Variants in CALCR observed in about 807,000 individuals in gnomAD.
The protein encoded by CALCR is calcitonin receptor.
In CALCR, 47 loss-of-function variants were observed where a neutral mutation model predicts 59.5. That is an observed-to-expected ratio of 0.79 (90% confidence interval 0.63 to 1.01). The LOEUF is 1.01. Ranked by LOEUF, CALCR falls within the 50% of genes least tolerant of loss-of-function variation. The pLI, the probability that CALCR is intolerant of heterozygous loss-of-function variation, is 0.00. For synonymous variants in CALCR, 213 were observed against 211.3 expected, an observed-to-expected ratio of 1.01 and a Z score of -0.07; for missense variants, 566 against 597.1, an observed-to-expected ratio of 0.95 and a Z score of 0.54.
At chr7:93,469,723 A>T (rs550607221) in intron 6 of CALCR, among the ~76,000 whole-genome samples, 32 of 151,730 alleles carry the variant, frequency 2.1e-4, no homozygotes, top group Admixed American at 9.2e-4. Context: ...TTGGTGAAGC[A>T]TAATTTGTGT....
chr7:93,519,006 A>T (rs1801703516), intron 2 of CALCR, among the ~76,000 whole-genome samples: 2 of 151,992 alleles, frequency 1.3e-5, no homozygotes. Flanking sequence ...CATAATGATC[A>T]TGTTAATTAT....
At chr7:93,490,117 T>C (rs1173151477) in intron 2 of CALCR, among the ~76,000 whole-genome samples, 1 of 151,956 alleles carries the variant, frequency 6.6e-6, no homozygotes. Flanking sequence ...CGCAAATCAA[T>C]AAATGTAATC....
chr7:93,438,435 T>TCAAAATGCTC (rs1203216226), intron 9 of CALCR, among the ~76,000 whole-genome samples, 165 bp from the exon 10 acceptor site: 3 of 152,198 alleles, frequency 2.0e-5, no homozygotes, highest in African/African-American at 7.2e-5. Context: ...GTCAAGCCAG[T>TCAAAATGCTC]CAAAATGCTC....
intron 7 of CALCR, among the ~76,000 whole-genome samples, chr7:93,466,999 G>C (rs1214423373): frequency 6.6e-6 from 1 of 151,596 alleles, no homozygotes; most frequent in Non-Finnish European, 1.5e-5. Flanking sequence ...TTAAAGTCCT[G>C]ACTACAATTA....
At chr7:93,430,493 G>A (rs1282962284) in intron 13 of CALCR, among the ~76,000 whole-genome samples, 1 of 151,998 alleles carries the variant, frequency 6.6e-6, no homozygotes, top group East Asian at 1.9e-4. Flanking sequence ...TTATGTTTGG[G>A]GAAGATTCCT....
chr7:93,571,318 T>C (rs1369448096), intron 2 of CALCR, among the ~76,000 whole-genome samples: 1 of 152,164 alleles, frequency 6.6e-6, no homozygotes, highest in African/African-American at 2.4e-5. Flanking sequence ...GATAGGGATA[T>C]GACTTATTTG....
intron 8 of CALCR, among the ~76,000 whole-genome samples, chr7:93,450,096 C>A (rs1483847220): frequency 6.6e-6 from 1 of 152,006 alleles, no homozygotes; most frequent in East Asian, 1.9e-4. Context: ...TTCCATCTAT[C>A]CTTTCACTTT....
intron 13 of CALCR, among the ~76,000 whole-genome samples, chr7:93,433,022 T>C (rs1355735860): frequency 1.3e-5 from 2 of 152,144 alleles, no homozygotes; most frequent in Non-Finnish European, 2.9e-5. Context: ...CAATGTATTT[T>C]TGTTGAATGA....
intron 13 of CALCR, among the ~76,000 whole-genome samples, chr7:93,430,592 T>A (rs1799638924): frequency 6.6e-6 from 1 of 152,210 alleles, no homozygotes; most frequent in Non-Finnish European, 1.5e-5. Context: ...TTAATTTTCT[T>A]AAATAAAATT....
At chr7:93,511,859 G>C (rs1801553677) in intron 2 of CALCR, among the ~76,000 whole-genome samples, 1 of 152,154 alleles carries the variant, frequency 6.6e-6, no homozygotes, top group South Asian at 2.1e-4. Flanking sequence ...AAATGCAATG[G>C]ATGGGCTTAA....
Position 93,443,714 on chromosome 7 carries a change from G to C in CALCR, c.692C>G (p.Ala231Gly), listed in dbSNP as rs1297524627. 2 of 1,612,568 alleles carry C rather than the reference G, an allele frequency of 1.2e-6. No individual in the cohort carries two copies. The highest frequency in any genetic ancestry group is 1.7e-6 in the Non-Finnish European group (2 of 1,178,720). Reference sequence around the variant, plus strand: ...ACAGAGCATCCAGAAATAGTTGCAGGCCATCATGTACTGGTGGAAAAAATG... The same window carrying C: ...ACAGAGCATCCAGAAATAGTTGCAGCCCATCATGTACTGGTGGAAAAAATG... Reference protein sequence around the residue: ...ILHFFHQYMMACNYFWMLCEG... With the variant: ...ILHFFHQYMMGCNYFWMLCEG... The change falls in exon 9 of 14, where the codon GCC becomes GGC. Residue 231 changes from alanine to glycine, a missense_variant. Coordinates refer to ENST00000426151, the MANE Select transcript of CALCR (RefSeq NM_001742.4).
intron 2 of CALCR, among the ~76,000 whole-genome samples, chr7:93,532,587 CT>C (rs1788867134): frequency 6.6e-6 from 1 of 151,828 alleles, no homozygotes; most frequent in African/African-American, 2.4e-5. Flanking sequence ...CAGTCAATGG[CT>C]GATATACATG....
At chr7:93,517,151 G>A (rs1028347980) in intron 2 of CALCR, among the ~76,000 whole-genome samples, 1 of 151,690 alleles carries the variant, frequency 6.6e-6, no homozygotes, top group African/African-American at 2.4e-5. Context: ...TCTTAATATA[G>A]GGAGTGAGAA....
intron 2 of CALCR, among the ~76,000 whole-genome samples, chr7:93,496,354 A>G (rs78802562): frequency 0.027 from 4,106 of 151,598 alleles, 208 homozygotes; most frequent in African/African-American, 0.094. Context: ...AACCTGATTG[A>G]CCATGAAACA....
At chr7:93,460,482 G>A (rs1411842602) in intron 8 of CALCR, among the ~76,000 whole-genome samples, 2 of 148,504 alleles carry the variant, frequency 1.3e-5, no homozygotes, top group Non-Finnish European at 3.0e-5. Context: ...CTTGAACCCG[G>A]GAGGCGGAGG....
intron 3 of CALCR, among the ~76,000 whole-genome samples, chr7:93,483,426 T>C (rs886683524): frequency 1.4e-4 from 19 of 134,014 alleles, no homozygotes; most frequent in African/African-American, 6.3e-4. Flanking sequence ...GATAGATAGA[T>C]AGATAGATAG....
chr7:93,441,134 G>T (rs1799893450), intron 9 of CALCR, among the ~76,000 whole-genome samples: 1 of 152,098 alleles, frequency 6.6e-6, no homozygotes, highest in African/African-American at 2.4e-5. Flanking sequence ...AGTATAAATT[G>T]TTCCTTCCAG....
intron 8 of CALCR, among the ~76,000 whole-genome samples, chr7:93,460,595 A>ATATATATATATATG (rs1800310150): frequency 3.5e-4 from 27 of 77,796 alleles, no homozygotes; most frequent in African/African-American, 9.7e-4. Context: ...ATATATATGT[A>ATATATATATATATG]TATATATATA....
chr7:93,457,706 T>G (rs1355000689), intron 8 of CALCR, among the ~76,000 whole-genome samples: 3 of 152,308 alleles, frequency 2.0e-5, no homozygotes, highest in African/African-American at 7.2e-5. Context: ...TGCAGAGAGA[T>G]TCTTAGTTAA....
Sources: allele counts gnomAD v4.1 joint callset (sites outside exome capture counted in the v4.1 genomes callset), GRCh38; gene constraint gnomAD v4.1.1; transcripts MANE v1.5; gene names NCBI Gene and HGNC (gene_info 2026-07-23, HGNC 2026-07-21).